NLRC3: variants seen among roughly 807,000 people sequenced by gnomAD.
NLRC3 encodes NLR family CARD domain containing 3.
In NLRC3, 87 loss-of-function variants were observed where a neutral mutation model predicts 91.6. The observed-to-expected ratio is 0.95, with a 90% CI of 0.80 to 1.14. The LOEUF is 1.14. Ranked by LOEUF, NLRC3 falls within the 50% of genes most tolerant of loss-of-function variation. The probability of loss-of-function intolerance (pLI) is 0.00; values close to 1 mark genes in which losing one functional copy is unlikely to be tolerated. For synonymous variants in NLRC3, 694 were observed against 625.3 expected (o/e 1.11, Z -1.64); for missense variants, 1,577 against 1,418.6 (o/e 1.11, Z -1.79).
chr16:3,541,568 C>G lies in NLRC3; in HGVS notation c.*257G>C, dbSNP rs1395924333. ...TGCTCAGCTTTCAGGCCTTTGGCCC[C>G]TAGTCCCTTGGGGGTGGCCCCTCCC... On this transcript the variant is annotated 3_prime_UTR_variant, in exon 20 of 20. Transcript: ENST00000359128. 4 of 512,400 alleles carry G rather than the reference C, an allele frequency of 7.8e-6. No homozygotes were observed. Among genetic ancestry groups the G allele is most frequent in the Non-Finnish European group, 1.4e-5 (4 of 285,494 alleles). 31.7% of individuals were successfully genotyped at this position (512,400 alleles called of 1,614,324 possible). A position where few individuals can be genotyped will look rare whatever the true frequency, so the allele number is the denominator to read the frequency against.
intron 15 of NLRC3, chr16:3,545,698 G>A (rs1209007736): frequency 6.6e-6 from 1 of 152,226 alleles, no homozygotes; most frequent in Non-Finnish European, 1.5e-5. Flanking sequence ...GGTGTCAACA[G>A]AAGGCTCCCA....
chr16:3,556,577 T>C (rs2039346678), intron 8 of NLRC3, among the ~76,000 whole-genome samples: 1 of 151,994 alleles, frequency 6.6e-6, no homozygotes, highest in African/African-American at 2.4e-5. Flanking sequence ...CGATCTCAAC[T>C]TACTGCAACC....
intron 15 of NLRC3, among the ~76,000 whole-genome samples, chr16:3,546,184 G>A (rs1199365033): frequency 1.3e-5 from 2 of 152,094 alleles, no homozygotes; most frequent in East Asian, 3.9e-4. Flanking sequence ...GATCGCTTGA[G>A]CCCAGGAGTT....
At chr16:3,544,449 T>G (rs1246446665) in intron 15 of NLRC3, 120 bp from the exon 16 acceptor site, 11 of 684,366 alleles carry the variant, frequency 1.6e-5, no homozygotes, top group Non-Finnish European at 2.9e-5. Context: ...ACTCCCAGGG[T>G]TTCCTGGGGA....
intron 10 of NLRC3, 24 bp from the exon 11 acceptor site, chr16:3,550,521 A>G (rs1484529517): frequency 5.1e-6 from 8 of 1,564,992 alleles, no homozygotes; most frequent in Non-Finnish European, 7.0e-6. Flanking sequence ...GATATGGATG[A>G]GCCAGCCTCT....
At chr16:3,561,426 A>G (rs1224884406) in intron 6 of NLRC3, among the ~76,000 whole-genome samples, 2 of 152,170 alleles carry the variant, frequency 1.3e-5, no homozygotes, top group Non-Finnish European at 2.9e-5. Flanking sequence ...TGTGCCTGGC[A>G]TTATGTCAGC....
At chr16:3,547,142 C>T (rs2151083443) in intron 15 of NLRC3, among the ~76,000 whole-genome samples, 1 of 152,286 alleles carries the variant, frequency 6.6e-6, no homozygotes, top group African/African-American at 2.4e-5. Context: ...GTAGGAACAA[C>T]CCAACGTCCG....
chr16:3,562,740 C>T (rs2039666350), intron 5 of NLRC3, among the ~76,000 whole-genome samples: 1 of 152,148 alleles, frequency 6.6e-6, no homozygotes, highest in South Asian at 2.1e-4. Context: ...GCCAAGGGTT[C>T]CCATCAAACA....
In NLRC3 at chr16:3,564,311, G is replaced by A. The variant is rs1360876292; in HGVS notation, c.626C>T (p.Ala209Val). 9.3e-6 allele frequency: 15 copies of A among 1,611,232 alleles called. No homozygotes were observed. Among genetic ancestry groups the A allele is most frequent in the African/African-American group, 1.3e-5 (1 of 74,934 alleles). The part of the protein sequence containing the change: ...PHVGEPSLAV[A>V]VPARALLILD... The stretch of plus-strand genomic sequence containing the variant: ...GATCAGGAGGGCCCTGGCTGGGACT[G>A]CCACCGCCAGGCTGGGCTCCCCGAC... The change falls in exon 5 of 20, where the codon GCA becomes GTA. Residue 209 changes from alanine to valine, a missense_variant. Transcript: ENST00000359128. The surrounding 1 kb of genome is among the most constrained non-coding windows in gnomAD (Gnocchi z 5.9).
chr16:3,577,185 CTG>C lies in NLRC3; in HGVS notation c.-207_-206del. The C allele has an allele frequency of 1.4e-6, 1 of 703,044 alleles. No homozygotes were observed. The highest frequency in any genetic ancestry group is 2.6e-6 in the Non-Finnish European group (1 of 385,002). The allele number at this position is 703,044 out of a possible 1,614,324, so 43.6% of individuals were successfully genotyped here. A position where few individuals can be genotyped will look rare whatever the true frequency, so the allele number is the denominator to read the frequency against. On this transcript the variant is annotated 5_prime_UTR_variant, in exon 1 of 20. The change abolishes the stop of an existing upstream ORF in the 5' untranslated region. Transcript: ENST00000359128. Reference sequence around the variant, plus strand: ...CGATGCTGCTCCAGGGACAGCAAGACTGGGGGGCCTGGGGGCGTCCATCTCCA... The same window carrying C: ...CGATGCTGCTCCAGGGACAGCAAGACGGGGGCCTGGGGGCGTCCATCTCCA...
chr16:3,542,708 T>G lies in NLRC3; in HGVS notation c.3007A>C (p.Ser1003Arg), dbSNP rs2038470918. ...ALANALKVNS[S>R]LRRLNLQENS... ...GCCACTTACTTGAGTCTCCGGAGAC[T>G]TGAGTTTACCTTCAGAGCATTTGCC... is the stretch of plus-strand genomic sequence containing the variant. The change falls in exon 18 of 20, where the codon AGT becomes CGT. Residue 1003 changes from serine (S) to arginine (R), a missense_variant. Transcript: ENST00000359128. 3 of 1,609,772 alleles carry G rather than the reference T, an allele frequency of 1.9e-6. No homozygotes were observed. The East Asian group carries it at 6.7e-5, about 36-fold the overall frequency.
rs935254344 is a variant in NLRC3, at chr16:3,539,760, T to C, written c.*2065A>G. On this transcript the variant is annotated 3_prime_UTR_variant, in exon 20 of 20. Coordinates refer to ENST00000359128, the MANE Select transcript of NLRC3 (RefSeq NM_178844.4). ...CTTTTACAAATAATGTTTTGTTTTA[T>C]TTCCCAGCTACTACAAGTGATCCAA... 1 of 152,262 alleles carries C rather than the reference T, an allele frequency of 6.6e-6. No homozygotes were observed. Among genetic ancestry groups the C allele is most frequent in the Admixed American group, 6.5e-5 (1 of 15,286 alleles). The allele number at this position is 152,262 out of a possible 1,614,324, so 9.4% of individuals were successfully genotyped here.
intron 6 of NLRC3, 60 bp downstream of exon 6, chr16:3,561,642 A>C: frequency 8.7e-7 from 1 of 1,149,832 alleles, no homozygotes; most frequent in Non-Finnish European, 1.3e-6. Context: ...GATGATGGGA[A>C]GAGGGTTCCA....
chr16:3,552,052 C>CCCAT (rs1379266409), intron 10 of NLRC3, 144 bp downstream of exon 10: 4 of 609,566 alleles, frequency 6.6e-6, no homozygotes, highest in Non-Finnish European at 1.2e-5. Flanking sequence ...CACCTAGTCA[C>CCCAT]CCATCCATCC....
chr16:3,556,864 C>G, intron 8 of NLRC3, 47 bp downstream of exon 8: 1 of 1,357,224 alleles, frequency 7.4e-7, no homozygotes, highest in Non-Finnish European at 1.1e-6. Flanking sequence ...AGAGGGTTTT[C>G]TGGGCCCTCT....
In NLRC3 at chr16:3,563,640, C is replaced by T. The variant is rs769309233; in HGVS notation, c.1297G>A (p.Ala433Thr). The part of the protein sequence containing the change: ...FGVDLALLQG[A>T]PCSCFLQREE... Reference sequence around the variant, plus strand: ...CTCTGCAGGAAGCAGCTGCACGGGGCGCCCTGCAGCAGAGCGAGGTCTACA... The same window carrying T: ...CTCTGCAGGAAGCAGCTGCACGGGGTGCCCTGCAGCAGAGCGAGGTCTACA... The change falls in exon 5 of 20, where the codon GCC becomes ACC. Residue 433 changes from alanine to threonine, a missense_variant. Ala to Thr is a moderately conservative substitution (Grantham distance 58). Transcript: ENST00000359128. 7 of 1,610,922 alleles carry T rather than the reference C, an allele frequency of 4.3e-6. No individual in the cohort carries two copies. Among genetic ancestry groups the T allele is most frequent in the Non-Finnish European group, 5.1e-6 (6 of 1,178,910 alleles).
At chr16:3,548,349 C>T in intron 14 of NLRC3, 131 bp from the exon 15 acceptor site, 2 of 741,604 alleles carry the variant, frequency 2.7e-6, no homozygotes, top group Non-Finnish European at 4.6e-6. Context: ...GCAACCCCTG[C>T]CCAGACTTAG....
Position 3,563,309 on chromosome 16 carries a change from C to T in NLRC3, c.1628G>A (p.Arg543Gln), listed in dbSNP as rs746123998. 3.1e-6 allele frequency: 5 copies of T among 1,599,924 alleles called. No individual in the cohort carries two copies. Among genetic ancestry groups the T allele is most frequent in the East Asian group, 4.5e-5 (2 of 44,458 alleles). The change falls in exon 5 of 20, where the codon CGG becomes CAG. Residue 543 changes from arginine (R) to glutamine (Q), a missense_variant. Transcript: ENST00000359128. The stretch of plus-strand genomic sequence containing the variant: ...CTGCAGGAGCTCAGCCACCTGGGTC[C>T]GGTAGGCCTGGTGCTCGCCTTGGGC... ...LLAQGEHQAYRTQVAELLQGC... is the reference protein window; with the variant it reads ...LLAQGEHQAYQTQVAELLQGC...
In NLRC3 at chr16:3,548,733, T is replaced by C; in HGVS notation, c.2624A>G (p.His875Arg). 3 of 1,603,664 alleles carry C rather than the reference T, an allele frequency of 1.9e-6. No homozygotes were observed. ...KNLDLTANLL[H>R]DQGARAIAVA... is the part of the protein sequence containing the mutation. ...TGCGATGGCCCGGGCACCCTGGTCG[T>C]GGAGGAGGTTGGCTGTCAGGCTAGG... Residue 875 changes from histidine (H) to arginine (R), a missense_variant, in exon 14 of 20, where the codon CAC becomes CGC. Transcript: ENST00000359128.
Sources: gnomAD v4.1 joint callset for allele counts (sites outside exome capture counted in the v4.1 genomes callset) on GRCh38, gnomAD v4.1.1 for gene constraint, Gnocchi (gnomAD v3.1) non-coding constraint, MANE v1.5 for transcripts, NCBI Gene and HGNC (gene_info 2026-07-23, HGNC 2026-07-21) for gene names.